CCDC152: variants seen among roughly 807,000 people sequenced by gnomAD.
CCDC152 encodes the protein coiled-coil domain-containing protein 152.
CCDC152 carries 37 observed loss-of-function variants against 38.1 expected under a neutral mutation model. That is an observed-to-expected ratio of 0.97 (90% CI 0.75 to 1.28). CCDC152 has a LOEUF of 1.28. Ranked by LOEUF, CCDC152 falls within the 50% of genes most tolerant of loss-of-function variation. CCDC152 has a pLI of 0.00. For missense variants in CCDC152, 259 were observed against 292.1 expected, an observed-to-expected ratio of 0.89 and a Z score of 0.83; for synonymous variants, 83 against 87.1, an observed-to-expected ratio of 0.95 and a Z score of 0.26.
At chr5:42,782,603 T>C (rs1218465152) in intron 5 of CCDC152, among the ~76,000 whole-genome samples, 3 of 152,094 alleles carry the variant, frequency 2.0e-5, no homozygotes, top group African/African-American at 7.2e-5. Context: ...AGGAGAGCTA[T>C]TGTACAATTT....
intron 3 of CCDC152, among the ~76,000 whole-genome samples, chr5:42,767,984 A>C (rs1347343703): frequency 6.6e-6 from 1 of 152,206 alleles, no homozygotes; most frequent in Non-Finnish European, 1.5e-5. Context: ...AGGATAGAGA[A>C]AATGGAGGAT....
At position 42,801,282 on chromosome 5, in the gene CCDC152, T is replaced by G. The variant is rs760584141; in HGVS notation, c.*1501T>G. On this transcript the variant is annotated 3_prime_UTR_variant, in exon 9 of 9. Coordinates refer to ENST00000361970, the MANE Select transcript of CCDC152 (RefSeq NM_001134848.2). ...AGGCGATGGAGTTTCAACTGTTTTA[T>G]CCACAGTAGCCAAAGATACACGTTT... 1.2e-6 allele frequency: 2 copies of G among 1,613,758 alleles called. No homozygotes were observed. Among genetic ancestry groups the G allele is most frequent in the Non-Finnish European group, 8.5e-7 (1 of 1,179,960 alleles).
At chr5:42,796,407 G>C (rs1483284064) in intron 6 of CCDC152, among the ~76,000 whole-genome samples, 2 of 152,072 alleles carry the variant, frequency 1.3e-5, no homozygotes, top group Non-Finnish European at 2.9e-5. Flanking sequence ...GAAGAAATTT[G>C]ATAAAGCATA....
intron 1 of CCDC152, among the ~76,000 whole-genome samples, chr5:42,757,405 AGGAAAC>A (rs1759495407): frequency 6.6e-6 from 1 of 152,196 alleles, no homozygotes; most frequent in Non-Finnish European, 1.5e-5. Context: ...AGGACCCAAA[AGGAAAC>A]GGAACTGTCA....
chr5:42,787,032 T>A (rs1759929830), intron 6 of CCDC152, among the ~76,000 whole-genome samples: 1 of 152,024 alleles, frequency 6.6e-6, no homozygotes, highest in Non-Finnish European at 1.5e-5. Context: ...TAATTTTATT[T>A]AAAAAATTAT....
intron 6 of CCDC152, among the ~76,000 whole-genome samples, chr5:42,787,805 A>C (rs1261100087): frequency 6.6e-6 from 1 of 152,130 alleles, no homozygotes; most frequent in South Asian, 2.1e-4. Context: ...TGCATGGTAG[A>C]TCTTTCGTCA....
In CCDC152 at chr5:42,801,450, T is replaced by G; in HGVS notation, c.*1669T>G. 1.4e-6 allele frequency: 1 copy of G among 734,752 alleles called. No homozygotes were observed. The allele number at this position is 734,752 out of a possible 1,614,324, so 45.5% of individuals were successfully genotyped here. On this transcript the variant is annotated 3_prime_UTR_variant, in exon 9 of 9. Coordinates refer to ENST00000361970, the MANE Select transcript of CCDC152 (RefSeq NM_001134848.2). ...ACTAGTTAATTAGAATCGAGCTGGC[T>G]TTGTATTATATTAATGAGAAAGAGT...
intron 2 of CCDC152, among the ~76,000 whole-genome samples, chr5:42,759,595 G>A (rs1370785666): frequency 6.6e-6 from 1 of 152,126 alleles, no homozygotes; most frequent in Non-Finnish European, 1.5e-5. Context: ...TTTAAATTCT[G>A]CACCATTCTG....
chr5:42,797,404 C>A (rs1329412373), intron 7 of CCDC152, among the ~76,000 whole-genome samples: 1 of 152,114 alleles, frequency 6.6e-6, no homozygotes, highest in East Asian at 1.9e-4. Context: ...CTTGTTTTTC[C>A]CTGTCTCAGG....
intron 2 of CCDC152, among the ~76,000 whole-genome samples, chr5:42,761,997 A>G (rs1759559213): frequency 6.6e-6 from 1 of 152,246 alleles, no homozygotes; most frequent in Non-Finnish European, 1.5e-5. Context: ...AGGCAATTTT[A>G]TCATTGTGTG....
At chr5:42,799,506 A>C in intron 8 of CCDC152, 48 bp downstream of exon 8, 1 of 1,289,978 alleles carries the variant, frequency 7.8e-7, no homozygotes, top group Admixed American at 2.5e-5. Flanking sequence ...AAACTTTCTA[A>C]GCATGTTTCT....
chr5:42,789,410 G>T (rs2111584752), intron 6 of CCDC152, among the ~76,000 whole-genome samples: 1 of 152,154 alleles, frequency 6.6e-6, no homozygotes, highest in African/African-American at 2.4e-5. Context: ...GTTGGCCAGG[G>T]TGGTCTCGAA....
intron 4 of CCDC152, 69 bp downstream of exon 4, chr5:42,769,734 TTTTACATG>T: frequency 7.1e-7 from 1 of 1,412,116 alleles, no homozygotes; most frequent in Non-Finnish European, 9.3e-7. Context: ...AATAGGAAGT[TTTTACATG>T]GTTGATAATA....
intron 2 of CCDC152, among the ~76,000 whole-genome samples, chr5:42,759,924 T>C (rs183666968): frequency 6.6e-6 from 1 of 152,238 alleles, no homozygotes; most frequent in East Asian, 1.9e-4. Context: ...ATATATAGGG[T>C]TCAGTACTAT....
At chr5:42,790,393 T>A (rs1278856816) in intron 6 of CCDC152, among the ~76,000 whole-genome samples, 1 of 152,206 alleles carries the variant, frequency 6.6e-6, no homozygotes, top group East Asian at 1.9e-4. Context: ...AAATTATCAA[T>A]GCCATGTTGA....
chr5:42,798,086 C>T (rs1302780544), intron 7 of CCDC152, among the ~76,000 whole-genome samples: 1 of 152,060 alleles, frequency 6.6e-6, no homozygotes, highest in East Asian at 1.9e-4. Context: ...GGGAGGCAGA[C>T]TTAGCAGTGA....
At chr5:42,769,707 A>T (rs1451011470) in intron 4 of CCDC152, 42 bp downstream of exon 4, 65 of 1,451,346 alleles carry the variant, frequency 4.5e-5, no homozygotes, top group Non-Finnish European at 4.5e-5. Flanking sequence ...AGCATTGTGT[A>T]TTTGAGCACC....
intron 4 of CCDC152, among the ~76,000 whole-genome samples, chr5:42,776,033 G>A (rs940659115): frequency 3.3e-5 from 5 of 151,724 alleles, no homozygotes; most frequent in African/African-American, 1.2e-4. Context: ...GACAAAAATA[G>A]GATCAAAGAA....
intron 3 of CCDC152, 21 bp downstream of exon 3, chr5:42,762,569 G>T: frequency 8.4e-7 from 1 of 1,193,174 alleles, no homozygotes; most frequent in Non-Finnish European, 1.2e-6. Flanking sequence ...TGCTGCCTGA[G>T]GAATGCTAAT....
Sources: gnomAD v4.1 joint callset for allele counts (sites outside exome capture counted in the v4.1 genomes callset) on GRCh38, gnomAD v4.1.1 for gene constraint, MANE v1.5 for transcripts, NCBI Gene and HGNC (gene_info 2026-07-23, HGNC 2026-07-21) for gene names.